Variants in TMEM114 observed in about 807,000 individuals in gnomAD.
TMEM114 encodes transmembrane protein 114, also known as claudin-26.
TMEM114 carries 6 observed loss-of-function variants against 6.2 expected under a neutral mutation model. The observed-to-expected ratio is 0.97, with a 90% CI of 0.53 to 1.91. The LOEUF (loss-of-function observed/expected upper bound fraction) is 1.91. TMEM114 is among the 40% of genes most tolerant of loss of function. The probability of loss-of-function intolerance (pLI) is 0.01; values close to 1 mark genes in which losing one functional copy is unlikely to be tolerated. For missense variants in TMEM114, 218 were observed against 158.3 expected (o/e 1.38, Z -2.02); for synonymous variants, 104 against 73.0 (o/e 1.42, Z -2.16).
chr16:8,549,501 GAAA>G (rs57591057), intron 2 of TMEM114, among the ~76,000 whole-genome samples: 2 of 106,876 alleles, frequency 1.9e-5, no homozygotes, highest in African/African-American at 3.3e-5. Context: ...ACTCCGTCTC[GAAA>G]AAAAAAAAAA....
At chr16:8,544,161 C>G (rs1160839086) in intron 2 of TMEM114, among the ~76,000 whole-genome samples, 2 of 152,178 alleles carry the variant, frequency 1.3e-5, no homozygotes, top group Non-Finnish European at 2.9e-5. Context: ...CAGTAGCAAG[C>G]AACTTTATAT....
chr16:8,568,023 T>C (rs1901603141), downstream of TMEM114, among the ~76,000 whole-genome samples: 1 of 152,158 alleles, frequency 6.6e-6, no homozygotes, highest in African/African-American at 2.4e-5. Flanking sequence ...AGTAAAGAAG[T>C]GCAGGCGTTG....
chr16:8,581,281 T>C (rs1192435448), intron 2 of TMEM114, among the ~76,000 whole-genome samples: 1 of 152,230 alleles, frequency 6.6e-6, no homozygotes, highest in Non-Finnish European at 1.5e-5. Context: ...CTAATATGCA[T>C]TAGTATATTC....
chr16:8,589,561 G>A, intron 1 of TMEM114, 58 bp downstream of exon 1: 1 of 398,534 alleles, frequency 2.5e-6, no homozygotes, highest in East Asian at 3.6e-5. Context: ...CAAGGGAGCA[G>A]GGCACCGCGC....
At chr16:8,564,670 GGAATGAGT>G (rs1485747899), downstream of TMEM114, among the ~76,000 whole-genome samples, 8 of 74,142 alleles carry the variant, frequency 1.1e-4, no homozygotes, top group African/African-American at 2.5e-4. Flanking sequence ...AGGGAGGGAG[GGAATGAGT>G]GAATGAGTGA....
intron 1 of TMEM114, 49 bp downstream of exon 1, chr16:8,589,570 G>T (rs1459683394): frequency 2.5e-6 from 1 of 398,532 alleles, no homozygotes; most frequent in Admixed American, 4.4e-5. Context: ...AGGGCACCGC[G>T]CAGGGGGCGT....
intron 2 of TMEM114, among the ~76,000 whole-genome samples, chr16:8,544,134 C>G (rs1478068164): frequency 6.6e-6 from 1 of 152,098 alleles, no homozygotes; most frequent in African/African-American, 2.4e-5. Context: ...TTTTCTGTTT[C>G]CCATTTACTG....
intron 2 of TMEM114, among the ~76,000 whole-genome samples, chr16:8,557,369 G>A (rs1265922423): frequency 6.6e-6 from 1 of 152,134 alleles, no homozygotes; most frequent in Non-Finnish European, 1.5e-5. Flanking sequence ...TGTAGCCCAT[G>A]GGGAGAGCCA....
chr16:8,577,103 G>C (rs1465969623), intron 2 of TMEM114, among the ~76,000 whole-genome samples: 1 of 152,206 alleles, frequency 6.6e-6, no homozygotes, highest in Non-Finnish European at 1.5e-5. Flanking sequence ...CTGCCTCAAT[G>C]AGCTTCAATT....
At chr16:8,545,862 C>A (rs779699628) in intron 2 of TMEM114, among the ~76,000 whole-genome samples, 2 of 152,126 alleles carry the variant, frequency 1.3e-5, no homozygotes, top group Non-Finnish European at 2.9e-5. Context: ...TGCCTGTAAT[C>A]CCAGCACTTT....
chr16:8,527,043 G>C, the TMEM114 span, among the ~76,000 whole-genome samples: 1 of 151,938 alleles, frequency 6.6e-6, no homozygotes, highest in African/African-American at 2.4e-5. Context: ...CCCCAACTCT[G>C]CTAAACATAG....
chr16:8,532,893 C>T (rs967371513), downstream of TMEM114, among the ~76,000 whole-genome samples: 1 of 152,164 alleles, frequency 6.6e-6, no homozygotes, highest in African/African-American at 2.4e-5. Context: ...CACTGCACTC[C>T]AGCCTGGGTG....
chr16:8,532,444 G>A, the TMEM114 span, among the ~76,000 whole-genome samples: 1 of 152,044 alleles, frequency 6.6e-6, no homozygotes, highest in Non-Finnish European at 1.5e-5. Context: ...GATCGAAATT[G>A]GACACCAGTC....
chr16:8,548,937 C>T (rs1326581743), intron 2 of TMEM114, among the ~76,000 whole-genome samples: 1 of 152,082 alleles, frequency 6.6e-6, no homozygotes, highest in Non-Finnish European at 1.5e-5. Context: ...AATCCCAGCA[C>T]TTTGGGAGGC....
At chr16:8,568,793 C>T (rs1901627840), downstream of TMEM114, among the ~76,000 whole-genome samples, 1 of 152,186 alleles carries the variant, frequency 6.6e-6, no homozygotes, top group Non-Finnish European at 1.5e-5. Flanking sequence ...TCTTAAAAAA[C>T]ACTGATGCCT....
intron 2 of TMEM114, among the ~76,000 whole-genome samples, chr16:8,560,099 TC>T (rs1901150829): frequency 6.6e-6 from 1 of 151,936 alleles, no homozygotes; most frequent in Non-Finnish European, 1.5e-5. Context: ...TAGGCTCAAT[TC>T]CCCCACCTCA....
chr16:8,560,239 C>T (rs958404195), intron 2 of TMEM114, among the ~76,000 whole-genome samples: 1 of 151,928 alleles, frequency 6.6e-6, no homozygotes, highest in Non-Finnish European at 1.5e-5. Flanking sequence ...CTCAAGCGAT[C>T]CTCCTGTCTT....
At chr16:8,557,748 A>G (rs963673743) in intron 2 of TMEM114, among the ~76,000 whole-genome samples, 1 of 152,156 alleles carries the variant, frequency 6.6e-6, no homozygotes, top group African/African-American at 2.4e-5. Context: ...TAATAACAGC[A>G]CCTACTTCAC....
intron 2 of TMEM114, among the ~76,000 whole-genome samples, chr16:8,542,886 C>G (rs1330927935): frequency 6.6e-6 from 1 of 152,068 alleles, no homozygotes; most frequent in South Asian, 2.1e-4. Flanking sequence ...ATTGAAATGC[C>G]AGAATGTATG....
Sources: allele counts gnomAD v4.1 joint callset (sites outside exome capture counted in the v4.1 genomes callset), GRCh38; gene constraint gnomAD v4.1.1; transcripts MANE v1.5; gene names NCBI Gene and HGNC (gene_info 2026-07-23, HGNC 2026-07-21).